Variants in RAB31 observed in about 807,000 individuals in gnomAD.
RAB31 encodes the protein RAB31, member RAS oncogene family.
Under a neutral mutation model 25.6 loss-of-function variants are expected in RAB31, and 21 were observed. The observed-to-expected ratio is 0.82, with a 90% confidence interval of 0.58 to 1.18. The LOEUF is 1.18. Ranked by LOEUF, RAB31 falls within the 50% of genes most tolerant of loss-of-function variation. The pLI, the probability that RAB31 is intolerant of heterozygous loss-of-function variation, is 0.00. For synonymous variants in RAB31, 87 were observed against 84.0 expected (o/e 1.04, Z -0.20); for missense variants, 196 against 250.1 (o/e 0.78, Z 1.46).
intron 2 of RAB31, among the ~76,000 whole-genome samples, chr18:9,789,244 G>A (rs979597656): frequency 1.3e-4 from 20 of 152,306 alleles, no homozygotes; most frequent in African/African-American, 4.6e-4. Context: ...GGGGAGGGAA[G>A]GATAGGGAGA....
rs114092616 is a variant in RAB31, at chr18:9,826,401, A to G, written c.380+11179A>G. ...AAAATACAAACAAACAAACAAACAA[A>G]AAAGTTGAAATTATTTAAAAAAACA... On this transcript the variant is annotated intron_variant, in intron 5 of 6. Coordinates refer to ENST00000578921, the MANE Select transcript of RAB31 (RefSeq NM_006868.4). Among the ~76,000 whole-genome samples, 553 of 148,546 alleles carry G rather than the reference A, an allele frequency of 3.7e-3. 3 individuals carry two copies. The highest frequency in any genetic ancestry group is 0.013 in the African/African-American group (536 of 41,280).
intron 1 of RAB31, among the ~76,000 whole-genome samples, chr18:9,720,080 C>T (rs1042218077): frequency 9.2e-5 from 14 of 152,188 alleles, no homozygotes; most frequent in African/African-American, 1.9e-4. Context: ...TCTCCTGCCT[C>T]AGCCTCCCAA....
At chr18:9,819,989 T>G (rs1256850705) in intron 5 of RAB31, among the ~76,000 whole-genome samples, 1 of 152,102 alleles carries the variant, frequency 6.6e-6, no homozygotes, top group South Asian at 2.1e-4. Context: ...TATACAAGAT[T>G]ATATTATCTG....
At chr18:9,744,671 T>C (rs1472470650) in intron 1 of RAB31, among the ~76,000 whole-genome samples, 2 of 152,238 alleles carry the variant, frequency 1.3e-5, no homozygotes, top group Admixed American at 6.5e-5. Flanking sequence ...TCCTGAGGGC[T>C]TAAGACATTG....
chr18:9,803,025 C>T (rs2068521578), intron 3 of RAB31, among the ~76,000 whole-genome samples: 1 of 152,174 alleles, frequency 6.6e-6, no homozygotes, highest in Admixed American at 6.5e-5. Context: ...CTTTCTTTCT[C>T]CTGCAGGCAT....
chr18:9,736,502 T>C (rs1351868153), intron 1 of RAB31, among the ~76,000 whole-genome samples: 1 of 152,126 alleles, frequency 6.6e-6, no homozygotes, highest in African/African-American at 2.4e-5. Flanking sequence ...CCCTTTTTTT[T>C]TCATTTGTTG....
At chr18:9,817,348 T>C (rs2068604216) in intron 5 of RAB31, among the ~76,000 whole-genome samples, 2 of 152,176 alleles carry the variant, frequency 1.3e-5, no homozygotes, top group South Asian at 4.1e-4. Flanking sequence ...CTTGGTTATG[T>C]GGAACCAAAG....
rs114819505 is a variant in RAB31 at position 9,766,975 on chromosome 18, C to T, written c.40-8303C>T. Among the ~76,000 whole-genome samples the T allele has an allele frequency of 2.3e-3, 348 of 151,980 alleles. 1 individual carries two copies. The highest frequency in any genetic ancestry group is 8.1e-3 in the African/African-American group (334 of 41,450). On this transcript the variant is annotated intron_variant, in intron 1 of 6. Coordinates refer to ENST00000578921, the MANE Select transcript of RAB31 (RefSeq NM_006868.4). The surrounding 1 kb of genome is among the most constrained non-coding windows in gnomAD (Gnocchi z 4.3). ...TTGTCTCAAAACAAACAAACAAAAC[C>T]CCAAACCAAAACAAACAAAAAGAAG...
intron 1 of RAB31, among the ~76,000 whole-genome samples, chr18:9,728,409 G>A (rs897650755): frequency 1.3e-5 from 2 of 152,208 alleles, no homozygotes; most frequent in East Asian, 1.9e-4. Context: ...TCAGAGAATA[G>A]GAGATTGATA....
chr18:9,782,232 G>C (rs2068408847), intron 2 of RAB31, among the ~76,000 whole-genome samples: 1 of 152,218 alleles, frequency 6.6e-6, no homozygotes, highest in Non-Finnish European at 1.5e-5. Flanking sequence ...TCCTGGCCCT[G>C]GCACTGCCTT....
At chr18:9,823,806 G>C (rs927834564) in intron 5 of RAB31, among the ~76,000 whole-genome samples, 3 of 152,248 alleles carry the variant, frequency 2.0e-5, no homozygotes, top group East Asian at 3.9e-4. Context: ...AGATAAACAG[G>C]GTAACTGTAT....
chr18:9,858,012 A>T (rs549409255), intron 6 of RAB31, among the ~76,000 whole-genome samples: 1 of 152,326 alleles, frequency 6.6e-6, no homozygotes, highest in South Asian at 2.1e-4. Context: ...CCTGGGTGAC[A>T]GAGTGAGACC....
intron 5 of RAB31, among the ~76,000 whole-genome samples, chr18:9,824,894 G>C (rs2068642531): frequency 6.6e-6 from 1 of 152,206 alleles, no homozygotes; most frequent in South Asian, 2.1e-4. Context: ...AGGCATGAAA[G>C]CAAAGTGGAA....
chr18:9,770,299 T>C (rs2068337774), intron 1 of RAB31, among the ~76,000 whole-genome samples: 1 of 152,162 alleles, frequency 6.6e-6, no homozygotes, highest in Non-Finnish European at 1.5e-5. Context: ...GTATCATTCT[T>C]AATCTGGAGG....
In RAB31 at chr18:9,713,060, G is replaced by A. The variant is rs74818731; in HGVS notation, c.39+4616G>A. On this transcript the variant is annotated intron_variant, in intron 1 of 6. Coordinates refer to ENST00000578921, the MANE Select transcript of RAB31 (RefSeq NM_006868.4). ...CTTGTCTCCCCAGGGACACTAGGAC[G>A]CAAGAGTAGAACAGATTTATACTCA... Among the ~76,000 whole-genome samples, 616 of 152,308 alleles carry A rather than the reference G, an allele frequency of 4.0e-3. 6 individuals carry two copies. Among genetic ancestry groups the A allele is most frequent in the African/African-American group, 0.013 (550 of 41,568 alleles).
chr18:9,797,535 G>A (rs1257827293), intron 3 of RAB31: 5 of 152,194 alleles, frequency 3.3e-5, no homozygotes, highest in African/African-American at 7.2e-5. Flanking sequence ...GAGACATTAA[G>A]TAACTTGCAC....
chr18:9,771,575 C>G (rs2068345108), intron 1 of RAB31, among the ~76,000 whole-genome samples: 1 of 152,156 alleles, frequency 6.6e-6, no homozygotes, highest in South Asian at 2.1e-4. Flanking sequence ...ACAGCCCTAG[C>G]GAGTTTCCTG....
intron 2 of RAB31, among the ~76,000 whole-genome samples, chr18:9,777,809 CAATGGTGTG>C (rs1233255519): frequency 7.2e-6 from 1 of 139,628 alleles, no homozygotes; most frequent in Non-Finnish European, 1.5e-5. Flanking sequence ...TGCTAGAGTG[CAATGGTGTG>C]ATCTTGGCTC....
intron 1 of RAB31, among the ~76,000 whole-genome samples, chr18:9,756,233 T>C (rs1385475986): frequency 6.6e-6 from 1 of 152,250 alleles, no homozygotes; most frequent in Non-Finnish European, 1.5e-5. Flanking sequence ...TAGACCCTGA[T>C]ATAGTTAACC....
Sources: gnomAD v4.1 joint callset for allele counts (sites outside exome capture counted in the v4.1 genomes callset) on GRCh38, gnomAD v4.1.1 for gene constraint, Gnocchi (gnomAD v3.1) non-coding constraint, MANE v1.5 for transcripts, NCBI Gene and HGNC (gene_info 2026-07-23, HGNC 2026-07-21) for gene names.